Variants in ZC3H14 observed in about 807,000 individuals in gnomAD.
ZC3H14 encodes zinc finger CCCH-type containing 14, also known as zinc finger CCCH domain-containing protein 14.
A neutral mutation model predicts 92.4 loss-of-function variants in ZC3H14; 31 were observed. The observed-to-expected ratio is 0.34, with a 90% CI of 0.25 to 0.45. The LOEUF (loss-of-function observed/expected upper bound fraction) is 0.45, where lower values mean the gene tolerates loss of function less well. Ranked by LOEUF, ZC3H14 falls within the 20% of genes least tolerant of loss-of-function variation. ZC3H14 has a pLI of 1.00. For missense variants in ZC3H14, 781 were observed against 897.3 expected (o/e 0.87, Z 1.66); for synonymous variants, 321 against 300.9 (o/e 1.07, Z -0.69).
chr14:88,563,444 C>T (rs1031391245), intron 1 of ZC3H14: 2 of 1,435,624 alleles, frequency 1.4e-6, no homozygotes, highest in East Asian at 2.6e-5. Context: ...CGCTTTGGAT[C>T]CGCTGCGGGA....
chr14:88,567,527 G>C (rs2079859789), intron 2 of ZC3H14, among the ~76,000 whole-genome samples: 4 of 150,144 alleles, frequency 2.7e-5, no homozygotes, highest in Admixed American at 2.7e-4. Flanking sequence ...TGTTAAAATT[G>C]ATTTTTTTAA....
chr14:88,626,792 A>G lies in ZC3H14; in HGVS notation c.*15041A>G. 1 of 1,591,052 alleles carries G rather than the reference A, an allele frequency of 6.3e-7. No individual in the cohort carries two copies. Among genetic ancestry groups the G allele is most frequent in the Non-Finnish European group, 8.6e-7 (1 of 1,163,804 alleles). On this transcript the variant is annotated 3_prime_UTR_variant, in exon 17 of 17. Coordinates refer to ENST00000251038, the MANE Select transcript of ZC3H14 (RefSeq NM_024824.5). ...GTGGCTGATGATCTAAGGCAAGAGA[A>G]TGTAAAGTAGTCAAAGTCACACTAT...
In ZC3H14 at chr14:88,602,034, A is replaced by C; in HGVS notation, c.1465A>C (p.Lys489Gln). Residue 489 changes from lysine (K) to glutamine (Q), a missense_variant, in exon 11 of 17, where the codon AAG becomes CAG. Lys to Gln is a moderately conservative substitution (Grantham distance 53). Coordinates refer to ENST00000251038, the MANE Select transcript of ZC3H14 (RefSeq NM_024824.5). ...GGCACCAAACCAAGAGTCGGGGATG[A>C]AGACTGCAGATTCCCTTCGGGTACT... ...VVAPNQESGM[K>Q]TADSLRVLSG... 1 of 1,614,176 alleles carries C rather than the reference A, an allele frequency of 6.2e-7. No homozygotes were observed. The highest frequency in any genetic ancestry group is 8.5e-7 in the Non-Finnish European group (1 of 1,180,016).
intron 8 of ZC3H14, among the ~76,000 whole-genome samples, chr14:88,577,056 A>C (rs1367669121): frequency 6.6e-6 from 1 of 152,118 alleles, no homozygotes; most frequent in East Asian, 1.9e-4. Context: ...CGGCCTCCCA[A>C]AATGCTGGGA....
Position 88,622,476 on chromosome 14 carries a change from T to A in ZC3H14, c.*10725T>A. On this transcript the variant is annotated 3_prime_UTR_variant, in exon 17 of 17. Transcript: ENST00000251038. Reference sequence around the variant, plus strand: ...AAAGAAAGCAGCAAAGACAGAGTAATGTTGGCAAGCAAATCCATCGTTATG... The same window carrying A: ...AAAGAAAGCAGCAAAGACAGAGTAAAGTTGGCAAGCAAATCCATCGTTATG... The A allele has an allele frequency of 1.4e-6, 1 of 693,272 alleles. No homozygotes were observed. The highest frequency in any genetic ancestry group is 2.2e-6 in the Non-Finnish European group (1 of 462,692). The allele number at this position is 693,272 out of a possible 1,614,324, so 42.9% of individuals were successfully genotyped here.
At position 88,625,957 on chromosome 14, in the gene ZC3H14, C is replaced by A. The variant is rs920939727; in HGVS notation, c.*14206C>A. On this transcript the variant is annotated 3_prime_UTR_variant, in exon 17 of 17. Coordinates refer to ENST00000251038, the MANE Select transcript of ZC3H14 (RefSeq NM_024824.5). ...AAGGAAAGAGATGTGGATTGGAAGC[C>A]ACAGGTCCAGATGAGATGGAATAAA... 2.6e-5 allele frequency: 4 copies of A among 152,094 alleles called. No individual in the cohort carries two copies. Among genetic ancestry groups the A allele is most frequent in the African/African-American group, 9.7e-5 (4 of 41,394 alleles). 9.4% of individuals were successfully genotyped at this position (152,094 alleles called of 1,614,324 possible).
chr14:88,563,160 C>T lies in ZC3H14; in HGVS notation c.27C>T (p.Arg9=). The T allele has an allele frequency of 6.2e-7, 1 of 1,604,162 alleles. No individual in the cohort carries two copies. Among genetic ancestry groups the T allele is most frequent in the South Asian group, 1.1e-5 (1 of 89,830 alleles). The change falls in exon 1 of 17, where the codon CGC becomes CGT. Residue 9 remains arginine, a synonymous_variant. Coordinates refer to ENST00000251038, the MANE Select transcript of ZC3H14 (RefSeq NM_024824.5). MEIGTEIS[R]KIRSAIKGKL... ...TGGAGATCGGCACCGAGATCAGCCG[C>T]AAGATCCGGGTGAGGCCCGTGCCGG... is the stretch of plus-strand genomic sequence containing the variant.
Position 88,622,806 on chromosome 14 carries a change from T to TG in ZC3H14, c.*11055_*11056insG. ...CAAATACCAAGTTATAAGCAGAATC[T>TG]TTTTTTTTTAAAAAGGCCCTGATAT... On this transcript the variant is annotated 3_prime_UTR_variant, in exon 17 of 17. Transcript: ENST00000251038. 1 of 689,982 alleles carries TG rather than the reference T, an allele frequency of 1.4e-6. No individual in the cohort carries two copies. Among genetic ancestry groups the TG allele is most frequent in the Non-Finnish European group, 1.9e-6 (1 of 527,236 alleles). The allele number at this position is 689,982 out of a possible 1,614,324, so 42.7% of individuals were successfully genotyped here.
In ZC3H14 at chr14:88,622,035, C is replaced by T. The variant is rs957851234; in HGVS notation, c.*10284C>T. On this transcript the variant is annotated 3_prime_UTR_variant, in exon 17 of 17. Coordinates refer to ENST00000251038, the MANE Select transcript of ZC3H14 (RefSeq NM_024824.5). ...CCAGTCCTTCCCTATCCCCCTCCCC[C>T]TCCCCCTTGTCCGCCTCCAGTAACC... is the stretch of plus-strand genomic sequence containing the variant. The T allele has an allele frequency of 1.5e-5, 5 of 329,918 alleles. No homozygotes were observed. The highest frequency in any genetic ancestry group is 7.5e-5 in the East Asian group (1 of 13,284). 20.4% of individuals were successfully genotyped at this position (329,918 alleles called of 1,614,324 possible).
rs2086852520 is a variant in ZC3H14 at position 88,611,928 on chromosome 14, G to A, written c.*177G>A. On this transcript the variant is annotated 3_prime_UTR_variant, in exon 17 of 17. Coordinates refer to ENST00000251038, the MANE Select transcript of ZC3H14 (RefSeq NM_024824.5). Reference sequence around the variant, plus strand: ...TTTTTCAAGTTTGTAAGTTTATTATGTGGTTTTAACATTGGGTGTTTTTGT... The same window carrying A: ...TTTTTCAAGTTTGTAAGTTTATTATATGGTTTTAACATTGGGTGTTTTTGT... The A allele has an allele frequency of 2.3e-6, 2 of 858,404 alleles. No homozygotes were observed. The highest frequency in any genetic ancestry group is 2.7e-5 in the Admixed American group (1 of 36,520). The allele number at this position is 858,404 out of a possible 1,614,324, so 53.2% of individuals were successfully genotyped here.
intron 12 of ZC3H14, among the ~76,000 whole-genome samples, chr14:88,606,850 T>C (rs1473402746): frequency 6.6e-6 from 1 of 151,942 alleles, no homozygotes; most frequent in African/African-American, 2.4e-5. Context: ...CCACTCATCA[T>C]CTTGCTGGCG....
At chr14:88,587,868 G>C (rs764617229) in intron 9 of ZC3H14, among the ~76,000 whole-genome samples, 7 of 152,076 alleles carry the variant, frequency 4.6e-5, no homozygotes, top group Non-Finnish European at 5.9e-5. Flanking sequence ...TTGAGCCCAG[G>C]AGTTCGAGGT....
At chr14:88,577,681 T>C (rs184663929) in intron 8 of ZC3H14, among the ~76,000 whole-genome samples, 16 of 152,260 alleles carry the variant, frequency 1.1e-4, no homozygotes, top group Admixed American at 2.6e-4. Flanking sequence ...GCAATTCTCC[T>C]GCCTCAGCCT....
In ZC3H14 at chr14:88,613,256, A is replaced by ATGAC. The variant is rs2087102816; in HGVS notation, c.*1506_*1509dup. ...GGCTGTTGTCTTCGGCTTGGGTGAA[A>ATGAC]TGACAGTTCCTCTTCATTCTAAAGG... On this transcript the variant is annotated 3_prime_UTR_variant, in exon 17 of 17. Transcript: ENST00000251038. 1 of 152,194 alleles carries ATGAC rather than the reference A, an allele frequency of 6.6e-6. No individual in the cohort carries two copies. The highest frequency in any genetic ancestry group is 6.5e-5 in the Admixed American group (1 of 15,276). The allele number at this position is 152,194 out of a possible 1,614,324, so 9.4% of individuals were successfully genotyped here. A position where few individuals can be genotyped will look rare whatever the true frequency, so the allele number is the denominator to read the frequency against.
chr14:88,626,726 T>C lies in ZC3H14; in HGVS notation c.*14975T>C. 9.5e-7 allele frequency: 1 copy of C among 1,049,254 alleles called. No individual in the cohort carries two copies. Among genetic ancestry groups the C allele is most frequent in the Non-Finnish European group, 1.4e-6 (1 of 717,660 alleles). 65.0% of individuals were successfully genotyped at this position (1,049,254 alleles called of 1,614,324 possible). On this transcript the variant is annotated 3_prime_UTR_variant, in exon 17 of 17. Coordinates refer to ENST00000251038, the MANE Select transcript of ZC3H14 (RefSeq NM_024824.5). ...GAAATATATGCTTGACCAGGGCATG[T>C]AATGATTAGCAGATCACAGTATCAT...
Position 88,572,664 on chromosome 14 carries a change from A to G in ZC3H14, c.518A>G (p.Asp173Gly). ...REPAPSEDVI[D>G]IKPEPDDLID... ...CCAGCACCCTCTGAAGATGTGATTG[A>G]TATTAAGCCAGAACCAGATGATCTC... is the stretch of plus-strand genomic sequence containing the variant. The change falls in exon 6 of 17, where the codon GAT becomes GGT. Residue 173 changes from aspartate (D) to glycine (G), a missense_variant. Physicochemically the swap from Asp to Gly is moderately conservative, Grantham distance 94 (BLOSUM62 -1). Around this residue, in one of 3 missense-constraint regions of ZC3H14, gnomAD observed 454 missense variants for 438.5 expected, o/e 1.04. Transcript: ENST00000251038. 6.2e-7 allele frequency: 1 copy of G among 1,614,238 alleles called. No homozygotes were observed. The highest frequency in any genetic ancestry group is 8.5e-7 in the Non-Finnish European group (1 of 1,180,056).
Position 88,563,698 on chromosome 14 carries a change from G to C in ZC3H14, c.79+5G>C. 6.2e-7 allele frequency: 1 copy of C among 1,613,866 alleles called. No homozygotes were observed. The highest frequency in any genetic ancestry group is 8.5e-7 in the Non-Finnish European group (1 of 1,179,708). On this transcript the variant is annotated splice_donor_5th_base_variant and intron_variant, in intron 2 of 16. Transcript: ENST00000251038. ...AAGAATTAGGAGCTTATGTTGGTAA[G>C]TGTTTTTTTGGTTGTTAGTCTTACA...
chr14:88,567,831 AATT>A (rs1566885436), intron 2 of ZC3H14: 1 of 611,880 alleles, frequency 1.6e-6, no homozygotes, highest in Non-Finnish European at 3.0e-6. Flanking sequence ...TGTAAGTATC[AATT>A]ATTCTTAATT....
At chr14:88,575,564 C>T (rs1432437781) in intron 7 of ZC3H14, among the ~76,000 whole-genome samples, 1 of 151,870 alleles carries the variant, frequency 6.6e-6, no homozygotes, top group East Asian at 1.9e-4. Context: ...GTCATTGTGG[C>T]AGGCACCTGT....
Sources: gnomAD v4.1 joint callset for allele counts (sites outside exome capture counted in the v4.1 genomes callset) on GRCh38, gnomAD v4.1.1 for gene constraint, gnomAD v4.1.1 regional missense constraint, MANE v1.5 for transcripts, NCBI Gene and HGNC (gene_info 2026-07-23, HGNC 2026-07-21) for gene names.